SYNE2: variants seen among roughly 807,000 people sequenced by gnomAD.
SYNE2 encodes the protein nesprin-2.
A neutral mutation model predicts 856.3 loss-of-function variants in SYNE2; 431 were observed. The observed-to-expected ratio is 0.50, with a 90% CI of 0.47 to 0.55. The LOEUF (loss-of-function observed/expected upper bound fraction) is 0.55, where lower values mean the gene tolerates loss of function less well. Ranked by LOEUF, SYNE2 falls within the 20% of genes least tolerant of loss-of-function variation. The pLI, the probability that SYNE2 is intolerant of heterozygous loss-of-function variation, is 0.00. For missense variants in SYNE2, 8,129 were observed against 8,023.2 expected, an observed-to-expected ratio of 1.01 and a Z score of -0.50; for synonymous variants, 2,923 against 2,872.3, an observed-to-expected ratio of 1.02 and a Z score of -0.56.
intron 2 of SYNE2, among the ~76,000 whole-genome samples, chr14:63,914,840 C>T (rs1287660533): frequency 3.3e-5 from 5 of 152,112 alleles, no homozygotes; most frequent in Non-Finnish European, 5.9e-5. Flanking sequence ...TGCAGTGGTG[C>T]GATCTTGGCC....
rs2140505248 is a variant in SYNE2, at chr14:64,225,062, G to GTGAC, written c.20516+18_20516+21dup. 1.2e-6 allele frequency: 2 copies of GTGAC among 1,613,422 alleles called. No individual in the cohort carries two copies. Among genetic ancestry groups the GTGAC allele is most frequent in the Non-Finnish European group, 1.7e-6 (2 of 1,179,500 alleles). ...AGAGAGCAGGTAACGGGGCTTTACC[G>GTGAC]TGACAGCAGTGCGTTCCCCTGCTCC... On this transcript the variant is annotated intron_variant, in intron 115 of 115. Coordinates refer to ENST00000555002, the MANE Select transcript of SYNE2 (RefSeq NM_182914.3).
intron 54 of SYNE2, 96 bp from the exon 55 acceptor site, chr14:64,078,370 A>G: frequency 6.4e-7 from 1 of 1,556,910 alleles, no homozygotes. Context: ...AATTTTTACA[A>G]GTTAAAACAG....
intron 1 of SYNE2, among the ~76,000 whole-genome samples, chr14:63,834,041 C>T (rs1889763572): frequency 6.6e-6 from 1 of 152,188 alleles, no homozygotes; most frequent in Admixed American, 6.5e-5. Context: ...AGAAGCTGCT[C>T]TATCTTCCAT....
At chr14:63,988,878 C>T (rs1334436691) in intron 19 of SYNE2, among the ~76,000 whole-genome samples, 1 of 152,116 alleles carries the variant, frequency 6.6e-6, no homozygotes, top group African/African-American at 2.4e-5. Flanking sequence ...ATTCAATTAC[C>T]TCTCACCGGG....
chr14:64,192,658 T>C (rs907229413), intron 99 of SYNE2, among the ~76,000 whole-genome samples: 6 of 152,226 alleles, frequency 3.9e-5, no homozygotes, highest in African/African-American at 1.4e-4. Flanking sequence ...TGTGATTCTG[T>C]AAAGTAGATA....
At chr14:63,936,162 C>G (rs750398260) in intron 2 of SYNE2, among the ~76,000 whole-genome samples, 1 of 152,146 alleles carries the variant, frequency 6.6e-6, no homozygotes, top group Non-Finnish European at 1.5e-5. Flanking sequence ...CGTGAGCCAC[C>G]GTGCCCAGCC....
At chr14:64,109,867 CT>C (rs1463120453) in intron 65 of SYNE2, among the ~76,000 whole-genome samples, 1 of 152,170 alleles carries the variant, frequency 6.6e-6, no homozygotes, top group Non-Finnish European at 1.5e-5. Context: ...CTCAACAAAC[CT>C]TTTGTTTCAG....
rs149662402 is a variant in SYNE2 at position 64,130,095 on chromosome 14, A to G, written c.14187A>G (p.Glu4729=). 6.2e-6 allele frequency: 10 copies of G among 1,614,060 alleles called. No individual in the cohort carries two copies. The highest frequency in any genetic ancestry group is 7.6e-6 in the Non-Finnish European group (9 of 1,180,044). Residue 4729 remains glutamate (E), a synonymous_variant, in exon 76 of 116, where the codon GAA becomes GAG. Coordinates refer to ENST00000555002, the MANE Select transcript of SYNE2 (RefSeq NM_182914.3). ...MWGMLRARYT[E]LSSPFVTESQ... ...GAATGCTAAGAGCCAGGTACACAGA[A>G]CTCAGCAGCCCTTTCGTCACTGAGA...
At chr14:63,978,827 T>C (rs1272826452) in intron 13 of SYNE2, 25 bp from the exon 14 acceptor site, 4 of 1,601,578 alleles carry the variant, frequency 2.5e-6, no homozygotes, top group Non-Finnish European at 3.4e-6. Context: ...TTAAGTTAAA[T>C]TCCAAAACCT....
chr14:64,167,024 C>T, intron 90 of SYNE2: 1 of 603,240 alleles, frequency 1.7e-6, no homozygotes, highest in Non-Finnish European at 2.9e-6. Context: ...TGGGTGCTGG[C>T]CGTGTTGCAG....
At position 64,053,575 on chromosome 14, in the gene SYNE2, C is replaced by CT; in HGVS notation, c.9663dup (p.Glu3222Ter). On this transcript the variant is annotated frameshift_variant, in exon 48 of 116. Coordinates refer to ENST00000555002, the MANE Select transcript of SYNE2 (RefSeq NM_182914.3). LOFTEE classifies it high-confidence loss of function. ...GAGAAACAAAGAGAAGAAAACTCTTCTGAAGCGAGTGATGTGGAGACAAAA... is the reference window on the plus strand; with the variant it reads ...GAGAAACAAAGAGAAGAAAACTCTTCTTGAAGCGAGTGATGTGGAGACAAAA... The CT allele has an allele frequency of 6.2e-7, 1 of 1,614,158 alleles. No homozygotes were observed. Among genetic ancestry groups the CT allele is most frequent in the East Asian group, 2.2e-5 (1 of 44,892 alleles).
intron 1 of SYNE2, among the ~76,000 whole-genome samples, chr14:63,843,433 A>G (rs1168897167): frequency 6.6e-6 from 1 of 152,200 alleles, no homozygotes. Flanking sequence ...TATTCTCATA[A>G]TATCAGTAGA....
At chr14:64,138,878 C>T (rs2098116758) in intron 79 of SYNE2, among the ~76,000 whole-genome samples, 1 of 149,938 alleles carries the variant, frequency 6.7e-6, no homozygotes, top group Non-Finnish European at 1.5e-5. Context: ...CAGCCAGCAG[C>T]AGTTTGTTGT....
In SYNE2 at chr14:63,976,556, T is replaced by G; in HGVS notation, c.1129-7T>G. On this transcript the variant is annotated splice_region_variant and splice_polypyrimidine_tract_variant and intron_variant, in intron 11 of 115. Transcript: ENST00000555002. ...GAATATGTTCTTTTTTTTTTTTTTT[T>G]TTTCAGATTAATGCATGGAAAATAA... The G allele has an allele frequency of 6.3e-7, 1 of 1,596,306 alleles. No individual in the cohort carries two copies. Among genetic ancestry groups the G allele is most frequent in the Non-Finnish European group, 8.5e-7 (1 of 1,174,208 alleles).
rs117579063 is a variant in SYNE2 at position 63,875,081 on chromosome 14, A to C, written c.-52+21938A>C. On this transcript the variant is annotated intron_variant, in intron 1 of 115. Transcript: ENST00000555002. ...TAAATGGGGTGTTGCTATGTTGTCC[A>C]GGCTGGAGTGCAGTGGCTACTCACA... Among the ~76,000 whole-genome samples the C allele has an allele frequency of 5.1e-3, 768 of 152,026 alleles. 2 individuals carry two copies. Among genetic ancestry groups the C allele is most frequent in the Middle Eastern group, 0.031 (9 of 294 alleles).
intron 1 of SYNE2, among the ~76,000 whole-genome samples, chr14:63,818,727 C>T (rs1889102985): frequency 2.3e-5 from 3 of 131,276 alleles, no homozygotes; most frequent in Non-Finnish European, 3.1e-5. Flanking sequence ...GAGATGGAGT[C>T]TTGCTCTGTC....
intron 1 of SYNE2, among the ~76,000 whole-genome samples, chr14:63,858,050 A>G (rs1892337264): frequency 6.6e-6 from 1 of 152,076 alleles, no homozygotes; most frequent in African/African-American, 2.4e-5. Context: ...GTATCATTAC[A>G]TGACAGAAGG....
chr14:63,986,858 T>G (rs2096629595), intron 19 of SYNE2, among the ~76,000 whole-genome samples: 1 of 152,196 alleles, frequency 6.6e-6, no homozygotes, highest in African/African-American at 2.4e-5. Context: ...CTTATTTTCT[T>G]AGCTATAACA....
chr14:64,057,360 G>T (rs1322953685), intron 49 of SYNE2, among the ~76,000 whole-genome samples: 1 of 152,080 alleles, frequency 6.6e-6, no homozygotes, highest in East Asian at 1.9e-4. Flanking sequence ...ACCAATAAGT[G>T]GGAATATGTG....
Sources: gnomAD v4.1 joint callset for allele counts (sites outside exome capture counted in the v4.1 genomes callset) on GRCh38, gnomAD v4.1.1 for gene constraint, MANE v1.5 for transcripts, NCBI Gene and HGNC (gene_info 2026-07-23, HGNC 2026-07-21) for gene names.